The following COA1 variants were observed in gnomAD, a reference collection of about 807,000 sequenced individuals.
The protein encoded by COA1 is cytochrome c oxidase assembly factor 1, also known as cytochrome c oxidase assembly factor 1 homolog.
COA1 carries 13 observed loss-of-function variants against 16.0 expected under a neutral mutation model. The ratio of observed to expected loss-of-function variants is 0.81; its 90% CI spans 0.53 to 1.29. The LOEUF (loss-of-function observed/expected upper bound fraction) is 1.29, where lower values mean the gene tolerates loss of function less well. Ranked by LOEUF, COA1 falls within the 50% of genes most tolerant of loss-of-function variation. COA1 has a pLI of 0.00. For synonymous variants in COA1, 65 were observed against 65.7 expected (o/e 0.99, Z 0.05); for missense variants, 179 against 177.0 (o/e 1.01, Z -0.06).
At chr7:43,636,350 CATT>C (rs780224495), downstream of COA1, among the ~76,000 whole-genome samples, 42 of 90,542 alleles carry the variant, frequency 4.6e-4, no homozygotes, top group Non-Finnish European at 5.6e-4. Context: ...CCGCCCCCAT[CATT>C]GAGCCTCCTG....
chr7:43,700,891 T>G (rs989359332), intron 1 of COA1, among the ~76,000 whole-genome samples: 1 of 152,086 alleles, frequency 6.6e-6, no homozygotes, highest in African/African-American at 2.4e-5. Context: ...ACAGCAATGA[T>G]GCCATAAACA....
At chr7:43,700,865 A>C (rs2094708977) in intron 1 of COA1, among the ~76,000 whole-genome samples, 1 of 152,086 alleles carries the variant, frequency 6.6e-6, no homozygotes, top group African/African-American at 2.4e-5. Flanking sequence ...GAAGCACAGA[A>C]GACTTCCCTC....
rs577969874 is a variant in COA1 at position 43,702,472 on chromosome 7, G to A, written c.-39+26957C>T. On this transcript the variant is annotated intron_variant, in intron 1 of 5. Transcript: ENST00000223336. ...GGTCTATGTGTCTGTCTTTCTACTGGTACTATGCTGTTTTGGTTACTGTAG... is the reference window on the plus strand; with the variant it reads ...GGTCTATGTGTCTGTCTTTCTACTGATACTATGCTGTTTTGGTTACTGTAG... Among the ~76,000 whole-genome samples, 6 of 152,170 alleles carry A rather than the reference G, an allele frequency of 3.9e-5. No individual in the cohort carries two copies. The South Asian group carries it at 1.2e-3, about 32-fold the overall frequency.
At chr7:43,655,942 A>G (rs1380154440) in intron 1 of COA1, 2 of 152,226 alleles carry the variant, frequency 1.3e-5, no homozygotes. Flanking sequence ...ACCACGTAAG[A>G]AGCCACTTTG....
chr7:43,727,928 T>A (rs1043427938), intron 1 of COA1, among the ~76,000 whole-genome samples: 1 of 152,118 alleles, frequency 6.6e-6, no homozygotes, highest in African/African-American at 2.4e-5. Flanking sequence ...ATGATGGTTG[T>A]ACAACTTTGT....
chr7:43,715,006 TAA>T (rs755827781), intron 1 of COA1, among the ~76,000 whole-genome samples: 3 of 95,776 alleles, frequency 3.1e-5, no homozygotes, highest in African/African-American at 4.2e-5. Context: ...GCCTCTTGTC[TAA>T]AAAAAAAAAA....
Position 43,691,463 on chromosome 7 carries a change from AAGAAAGAAAGAAAG to A in COA1, c.-39+37952_-39+37965del, listed in dbSNP as rs1489748789. On this transcript the variant is annotated intron_variant, in intron 1 of 5. Coordinates refer to ENST00000223336, the MANE Select transcript of COA1 (RefSeq NM_018224.4). ...AAAGAAAGAAAGAAAGAAAGAAAGAAAGAAAGAAAGAAAGAAATTATCATCAATATAACATTTTC... is the reference window on the plus strand; with the variant it reads ...AAAGAAAGAAAGAAAGAAAGAAAGAAAAATTATCATCAATATAACATTTTC... Among the ~76,000 whole-genome samples the A allele has an allele frequency of 1.4e-3, 214 of 147,728 alleles. 4 individuals carry two copies. The highest frequency in any genetic ancestry group is 5.4e-3 in the African/African-American group (202 of 37,660).
chr7:43,629,408 CAT>C (rs1398992553), intron 6 of COA1, among the ~76,000 whole-genome samples: 7 of 152,206 alleles, frequency 4.6e-5, no homozygotes, highest in Non-Finnish European at 1.0e-4. Flanking sequence ...AATCCATAAA[CAT>C]GTTTTTCCAT....
chr7:43,684,773 T>C (rs1326280623), intron 1 of COA1, among the ~76,000 whole-genome samples: 1 of 152,152 alleles, frequency 6.6e-6, no homozygotes, highest in African/African-American at 2.4e-5. Context: ...CTATAGTACA[T>C]AAGAACAACA....
At chr7:43,723,254 T>C (rs1054014546) in intron 1 of COA1, among the ~76,000 whole-genome samples, 2 of 152,216 alleles carry the variant, frequency 1.3e-5, no homozygotes, top group African/African-American at 4.8e-5. Flanking sequence ...TCTGTTTTTC[T>C]ACATTTTCCC....
intron 1 of COA1, among the ~76,000 whole-genome samples, chr7:43,703,115 C>T (rs1196335096): frequency 1.3e-5 from 2 of 152,088 alleles, no homozygotes; most frequent in Admixed American, 6.6e-5. Flanking sequence ...CATTCAGGAA[C>T]AGGCTGTTTA....
chr7:43,702,990 C>G (rs1243110318), intron 1 of COA1, among the ~76,000 whole-genome samples: 1 of 152,148 alleles, frequency 6.6e-6, no homozygotes, highest in Non-Finnish European at 1.5e-5. Flanking sequence ...GCATTTAGCA[C>G]TATAAACTTT....
rs140236849 is a variant in COA1, at chr7:43,683,621, G to A, written c.-38-34969C>T. On this transcript the variant is annotated intron_variant, in intron 1 of 5. Coordinates refer to ENST00000223336, the MANE Select transcript of COA1 (RefSeq NM_018224.4). ...TGCACTCCAGCCTGGGCGACAGAGC[G>A]AGACTCTGTCTCAAAAAAAAAACAT... Among the ~76,000 whole-genome samples, 183 of 151,766 alleles carry A rather than the reference G, an allele frequency of 1.2e-3. 4 individuals are homozygous for A. The East Asian group carries it at 0.028, about 23-fold the overall frequency.
At chr7:43,650,437 A>G (rs1189981092) in intron 1 of COA1, 1 of 152,280 alleles carries the variant, frequency 6.6e-6, no homozygotes, top group Admixed American at 6.5e-5. Context: ...TAAATGAAAA[A>G]TAATATTCAG....
intron 1 of COA1, among the ~76,000 whole-genome samples, chr7:43,654,068 A>G: frequency 6.6e-6 from 1 of 152,148 alleles, no homozygotes. Context: ...GAAGAGAGAA[A>G]GAGAAACATG....
chr7:43,665,275 C>A (rs2092803504), intron 1 of COA1, among the ~76,000 whole-genome samples: 1 of 152,166 alleles, frequency 6.6e-6, no homozygotes, highest in Admixed American at 6.5e-5. Context: ...ACAAAACATA[C>A]TGCTCAACAT....
At chr7:43,627,660 T>C (rs1044248629) in intron 6 of COA1, among the ~76,000 whole-genome samples, 1 of 152,206 alleles carries the variant, frequency 6.6e-6, no homozygotes, top group Non-Finnish European at 1.5e-5. Context: ...ATCCATTCTA[T>C]CTGTTGCGGA....
intron 1 of COA1, among the ~76,000 whole-genome samples, chr7:43,694,162 C>A (rs1022774054): frequency 2.7e-5 from 4 of 148,306 alleles, no homozygotes; most frequent in Non-Finnish European, 5.9e-5. Context: ...TCTCCTCAGC[C>A]ACATTCCAGC....
intron 1 of COA1, chr7:43,658,664 G>A (rs1319559546): frequency 6.6e-6 from 1 of 152,180 alleles, no homozygotes; most frequent in African/African-American, 2.4e-5. Context: ...GAAATGCCAT[G>A]TGAAGACTCT....
Sources: allele counts gnomAD v4.1 joint callset (sites outside exome capture counted in the v4.1 genomes callset), GRCh38; gene constraint gnomAD v4.1.1; transcripts MANE v1.5; gene names NCBI Gene and HGNC (gene_info 2026-07-23, HGNC 2026-07-21).